CA6: variants seen among roughly 807,000 people sequenced by gnomAD.
CA6 encodes the protein carbonate dehydratase VI.
A neutral mutation model predicts 35.9 loss-of-function variants in CA6; 28 were observed. The observed-to-expected ratio is 0.78, with a 90% confidence interval of 0.58 to 1.07. The LOEUF is 1.07. Ranked by LOEUF, CA6 falls within the 50% of genes least tolerant of loss-of-function variation. The pLI, the probability that CA6 is intolerant of heterozygous loss-of-function variation, is 0.00. For synonymous variants in CA6, 148 were observed against 152.6 expected (o/e 0.97, Z 0.22); for missense variants, 377 against 382.0 (o/e 0.99, Z 0.11).
intron 2 of CA6, among the ~76,000 whole-genome samples, chr1:8,950,606 T>G (rs1639505745): frequency 1.3e-5 from 2 of 152,042 alleles, no homozygotes; most frequent in East Asian, 3.9e-4. Context: ...TGGTGGCTCA[T>G]GCCTGTAAAC....
intron 5 of CA6, among the ~76,000 whole-genome samples, chr1:8,962,859 C>T (rs148413156): frequency 6.6e-6 from 1 of 152,208 alleles, no homozygotes; most frequent in African/African-American, 2.4e-5. Context: ...CTCTGAGAAG[C>T]CTGTGCATAA....
At chr1:8,974,197 C>G in intron 7 of CA6, 1 of 523,890 alleles carries the variant, frequency 1.9e-6, no homozygotes. Flanking sequence ...TTTCACTGTT[C>G]TGTAGAGAAC....
intron 4 of CA6, among the ~76,000 whole-genome samples, chr1:8,960,291 G>GA (rs1339965836): frequency 6.6e-6 from 1 of 151,404 alleles, no homozygotes; most frequent in East Asian, 1.9e-4. Context: ...TATTTAGGAG[G>GA]AAAAAATAAC....
chr1:8,959,042 A>T, intron 4 of CA6, 40 bp downstream of exon 4: 5 of 1,213,172 alleles, frequency 4.1e-6, no homozygotes, highest in Non-Finnish European at 6.1e-6. Flanking sequence ...ATTTGAAGTT[A>T]TAGGTTGATG....
At chr1:8,972,142 G>T (rs114449417) in intron 7 of CA6, among the ~76,000 whole-genome samples, 1 of 152,024 alleles carries the variant, frequency 6.6e-6, no homozygotes, top group African/African-American at 2.4e-5. Context: ...CAAACATCCA[G>T]GCTCAAGTGA....
intron 3 of CA6, among the ~76,000 whole-genome samples, chr1:8,957,970 T>G (rs1639735231): frequency 6.6e-6 from 1 of 151,910 alleles, no homozygotes; most frequent in Non-Finnish European, 1.5e-5. Context: ...GCCAAAAGAC[T>G]GTGCGATGGT....
chr1:8,973,692 C>T (rs941115867), intron 7 of CA6, among the ~76,000 whole-genome samples: 3 of 132,862 alleles, frequency 2.3e-5, no homozygotes, highest in Admixed American at 7.9e-5. Context: ...TCCCTCAGGC[C>T]TGGATTTTTC....
At chr1:8,949,176 C>T in intron 1 of CA6, 87 bp from the exon 2 acceptor site, 1 of 1,064,766 alleles carries the variant, frequency 9.4e-7, no homozygotes, top group Non-Finnish European at 1.3e-6. Context: ...GCCCAGCAGG[C>T]CCTGGCCTCT....
In CA6 at chr1:8,947,840, G is replaced by A. The variant is rs560051256; in HGVS notation, c.80-1423G>A. Among the ~76,000 whole-genome samples, 7 of 150,324 alleles carry A rather than the reference G, an allele frequency of 4.7e-5. No homozygotes were observed. In the East Asian group the frequency reaches 1.4e-3, roughly 29 times the overall value. ...AAACCAAAAAGCGGTGAGGGCCCTA[G>A]TACAGACACCTTTTTTTTTTTTTTT... On this transcript the variant is annotated intron_variant, in intron 1 of 7. Transcript: ENST00000377443.
At position 8,974,861 on chromosome 1, in the gene CA6, G is replaced by C; in HGVS notation, c.*157G>C. 1 of 527,516 alleles carries C rather than the reference G, an allele frequency of 1.9e-6. No homozygotes were observed. The highest frequency in any genetic ancestry group is 3.3e-6 in the Non-Finnish European group (1 of 303,118). 32.7% of individuals were successfully genotyped at this position (527,516 alleles called of 1,614,324 possible). On this transcript the variant is annotated 3_prime_UTR_variant, in exon 8 of 8. Transcript: ENST00000377443. ...GCAGCTGTTGGGATTCTGATTAAAA[G>C]AGGGGAAACGATCATCCTGGACAGG... is the stretch of plus-strand genomic sequence containing the variant.
intron 2 of CA6, among the ~76,000 whole-genome samples, chr1:8,956,204 C>A (rs913076258): frequency 6.6e-6 from 1 of 152,126 alleles, no homozygotes; most frequent in Non-Finnish European, 1.5e-5. Context: ...GCCTGGGTGA[C>A]AGAGTAAGAC....
chr1:8,946,753 C>T (rs544361126), intron 1 of CA6, among the ~76,000 whole-genome samples: 30 of 151,308 alleles, frequency 2.0e-4, no homozygotes, highest in African/African-American at 6.3e-4. Flanking sequence ...GACATAAGGA[C>T]CCAGTTCCCT....
chr1:8,962,841 G>C (rs980874248), intron 5 of CA6, among the ~76,000 whole-genome samples, 185 bp downstream of exon 5: 7 of 152,222 alleles, frequency 4.6e-5, no homozygotes, highest in African/African-American at 1.7e-4. Context: ...GGCTTAGGCA[G>C]CAAACCTCTC....
At chr1:8,967,919 C>A in intron 6 of CA6, 103 bp downstream of exon 6, 7 of 924,896 alleles carry the variant, frequency 7.6e-6, no homozygotes, top group Non-Finnish European at 1.1e-5. Flanking sequence ...AGGGGTCCTA[C>A]AGTATTTTCT....
chr1:8,970,330 T>C (rs1640076078), intron 6 of CA6, among the ~76,000 whole-genome samples: 5 of 151,950 alleles, frequency 3.3e-5, no homozygotes, highest in Admixed American at 3.3e-4. Flanking sequence ...AATACTCATA[T>C]AAAAAGCTGA....
Position 8,967,770 on chromosome 1 carries a change from T to C in CA6, c.683T>C (p.Val228Ala). ...ACCACGCCTCCCTGCACTGAGAACG[T>C]CCACTGGTTTGTGCTGGCAGATTTT... ...SLTTPPCTEN[V>A]HWFVLADFVK... Residue 228 changes from valine to alanine, a missense_variant, in exon 6 of 8, where the codon GTC becomes GCC. Physicochemically the swap from Val to Ala is moderately conservative, Grantham distance 64 (BLOSUM62 0). Coordinates refer to ENST00000377443, the MANE Select transcript of CA6 (RefSeq NM_001215.4). 6.2e-7 allele frequency: 1 copy of C among 1,614,082 alleles called. No individual in the cohort carries two copies. The highest frequency in any genetic ancestry group is 1.6e-4 in the Middle Eastern group (1 of 6,062).
chr1:8,969,229 C>T lies in CA6; in HGVS notation c.729+1413C>T, dbSNP rs149940608. Among the ~76,000 whole-genome samples the T allele has an allele frequency of 2.5e-3, 380 of 151,982 alleles. 8 individuals carry two copies. The East Asian group carries it at 0.038, about 15-fold the overall frequency. ...ACTCAGGAGGCTGAGGCAGGAGAAT[C>T]GCTTGAACCCAGGAGGCGGATGTTG... On this transcript the variant is annotated intron_variant, in intron 6 of 7. Transcript: ENST00000377443.
chr1:8,956,588 A>G (rs1639690039), intron 2 of CA6, among the ~76,000 whole-genome samples: 2 of 152,002 alleles, frequency 1.3e-5, no homozygotes, highest in African/African-American at 2.4e-5. Flanking sequence ...TGAAGCCAGG[A>G]GTTGGAGGCT....
chr1:8,968,336 C>A (rs935962483), intron 6 of CA6, among the ~76,000 whole-genome samples: 17 of 152,116 alleles, frequency 1.1e-4, no homozygotes, highest in Admixed American at 1.0e-3. Context: ...GACACTCACA[C>A]TCCAAAATGT....
Sources: gnomAD v4.1 joint callset for allele counts (sites outside exome capture counted in the v4.1 genomes callset) on GRCh38, gnomAD v4.1.1 for gene constraint, MANE v1.5 for transcripts, NCBI Gene and HGNC (gene_info 2026-07-23, HGNC 2026-07-21) for gene names.